The following TUFT1 variants were observed in gnomAD, a reference collection of about 807,000 sequenced individuals.
TUFT1 encodes tuftelin.
TUFT1 carries 43 observed loss-of-function variants against 57.8 expected under a neutral mutation model. The ratio of observed to expected loss-of-function variants is 0.74; its 90% CI spans 0.58 to 0.96. TUFT1 has a LOEUF of 0.96. Among genes scored for constraint, TUFT1 ranks in the 40% least tolerant of loss-of-function variants. The pLI is 0.00. For missense variants in TUFT1, 459 were observed against 489.0 expected (o/e 0.94, Z 0.58); for synonymous variants, 166 against 176.7 (o/e 0.94, Z 0.48).
intron 7 of TUFT1, among the ~76,000 whole-genome samples, chr1:151,572,890 C>T (rs1215502793): frequency 6.6e-6 from 1 of 152,122 alleles, no homozygotes; most frequent in Non-Finnish European, 1.5e-5. Context: ...TTCTGTTTTC[C>T]CAGGGCTGGC....
rs1665918534 is a variant in TUFT1 at position 151,562,179 on chromosome 1, C to T, written c.135+14C>T. On this transcript the variant is annotated intron_variant, in intron 2 of 12. Transcript: ENST00000368849. ...ATAGCCCAGAAGGTACTGCGGAATT[C>T]TGGTGGGCAAGGCCCCCTCCCCACA... The T allele has an allele frequency of 1.9e-6, 3 of 1,612,382 alleles. No individual in the cohort carries two copies. In the African/African-American group the frequency reaches 4.0e-5, roughly 21 times the overall value.
intron 1 of TUFT1, among the ~76,000 whole-genome samples, chr1:151,541,214 G>T (rs989707408): frequency 1.3e-5 from 2 of 152,080 alleles, no homozygotes; most frequent in South Asian, 4.1e-4. Context: ...GGGGAGGGAA[G>T]TGACCCAAGC....
chr1:151,542,254 T>C (rs1394451342), intron 1 of TUFT1, among the ~76,000 whole-genome samples: 4 of 152,094 alleles, frequency 2.6e-5, no homozygotes, highest in Non-Finnish European at 4.4e-5. Context: ...AGGGCCTTGC[T>C]CTGTTGCCCA....
chr1:151,561,650 A>G, intron 1 of TUFT1: 7 of 1,198,944 alleles, frequency 5.8e-6, no homozygotes, highest in Non-Finnish European at 5.3e-6. Flanking sequence ...GTACTTTCCT[A>G]TAGTTTAGTT....
At chr1:151,563,772 C>A (rs968177630) in intron 3 of TUFT1, 132 bp from the exon 4 acceptor site, 1 of 748,162 alleles carries the variant, frequency 1.3e-6, no homozygotes, top group Non-Finnish European at 2.3e-6. Context: ...GTCTTCTGAT[C>A]CGAATCACCA....
chr1:151,562,522 C>T (rs1164420579), intron 2 of TUFT1, 63 bp from the exon 3 acceptor site: 1 of 1,432,192 alleles, frequency 7.0e-7, no homozygotes, highest in African/African-American at 1.4e-5. Context: ...GAGTTCTGGG[C>T]TTGCCATGTG....
At chr1:151,578,316 CT>C (rs71090191) in intron 9 of TUFT1, among the ~76,000 whole-genome samples, 149 of 150,966 alleles carry the variant, frequency 9.9e-4, no homozygotes, top group African/African-American at 3.5e-3. Context: ...ATGTAATATT[CT>C]TTTTTTTTGT....
At chr1:151,579,833 T>C (rs1231908397) in intron 11 of TUFT1, 101 bp downstream of exon 11, 4 of 1,205,920 alleles carry the variant, frequency 3.3e-6, no homozygotes, top group Non-Finnish European at 4.7e-6. Flanking sequence ...CATGTCTTGC[T>C]GTTGCTCTGA....
intron 1 of TUFT1, among the ~76,000 whole-genome samples, chr1:151,560,630 T>A (rs1049565272): frequency 2.6e-5 from 4 of 152,214 alleles, no homozygotes; most frequent in Non-Finnish European, 5.9e-5. Flanking sequence ...GATGACCAGA[T>A]GACCTCAAGA....
chr1:151,569,880 C>A (rs776229397), intron 7 of TUFT1, 110 bp downstream of exon 7: 16 of 886,052 alleles, frequency 1.8e-5, no homozygotes, highest in Non-Finnish European at 3.0e-5. Flanking sequence ...GTGCCACAAA[C>A]TGGAAAGGCA....
rs1347990450 is a variant in TUFT1, at chr1:151,581,960, A to G, written c.*253A>G. The stretch of plus-strand genomic sequence containing the variant: ...GCAAGCAGGAGCCAGGGCAATATCT[A>G]TATTCCTACAGTGACTATTTTTCTC... On this transcript the variant is annotated 3_prime_UTR_variant, in exon 13 of 13. Transcript: ENST00000368849. 9 of 606,926 alleles carry G rather than the reference A, an allele frequency of 1.5e-5. No homozygotes were observed. The highest frequency in any genetic ancestry group is 1.2e-4 in the East Asian group (4 of 33,554). The allele number at this position is 606,926 out of a possible 1,614,324, so 37.6% of individuals were successfully genotyped here.
At chr1:151,574,031 C>CA (rs1435980648) in intron 7 of TUFT1, among the ~76,000 whole-genome samples, 1 of 152,088 alleles carries the variant, frequency 6.6e-6, no homozygotes. Context: ...TTCCAGGTGT[C>CA]ACTTTAAAGT....
At chr1:151,569,550 G>A (rs1666183141) in intron 6 of TUFT1, 107 bp from the exon 7 acceptor site, 3 of 803,346 alleles carry the variant, frequency 3.7e-6, no homozygotes, top group Middle Eastern at 2.6e-4. Context: ...TTTTGAGGGT[G>A]GTCTGGACGA....
chr1:151,577,292 CCT>C (rs1195676892), intron 9 of TUFT1, among the ~76,000 whole-genome samples: 3 of 152,150 alleles, frequency 2.0e-5, no homozygotes, highest in African/African-American at 7.2e-5. Context: ...GCTCCTATCC[CCT>C]GTCCCTTTCC....
intron 1 of TUFT1, among the ~76,000 whole-genome samples, chr1:151,546,127 TC>T (rs1665331891): frequency 6.6e-6 from 1 of 152,090 alleles, no homozygotes; most frequent in African/African-American, 2.4e-5. Flanking sequence ...TTTTTCTTTT[TC>T]TTTTTTTGGA....
At chr1:151,548,191 C>G (rs1234699350) in intron 1 of TUFT1, among the ~76,000 whole-genome samples, 2 of 152,222 alleles carry the variant, frequency 1.3e-5, no homozygotes, top group Admixed American at 6.5e-5. Context: ...AGGTACCCAC[C>G]TATCCCATCC....
At chr1:151,557,989 T>TAAAA in intron 1 of TUFT1, 1 of 374,450 alleles carries the variant, frequency 2.7e-6, no homozygotes, top group South Asian at 2.3e-5. Context: ...CAAAAAAACT[T>TAAAA]AAAAAAAAAA....
Position 151,583,324 on chromosome 1 carries a change from C to G in TUFT1, c.*1617C>G, listed in dbSNP as rs1403964070. ...CTATAGGAATCAGAAAAATTCAAAA[C>G]AAATGTGGATTAAGTGTTTAGGCTC... On this transcript the variant is annotated 3_prime_UTR_variant, in exon 13 of 13. Coordinates refer to ENST00000368849, the MANE Select transcript of TUFT1 (RefSeq NM_020127.3). 6.6e-6 allele frequency: 1 copy of G among 152,120 alleles called. No individual in the cohort carries two copies. Among genetic ancestry groups the G allele is most frequent in the African/African-American group, 2.4e-5 (1 of 41,428 alleles). The allele number at this position is 152,120 out of a possible 1,614,324, so 9.4% of individuals were successfully genotyped here. A position where few individuals can be genotyped will look rare whatever the true frequency, so the allele number is the denominator to read the frequency against.
Position 151,564,728 on chromosome 1 carries a change from G to C in TUFT1, c.414+114G>C, listed in dbSNP as rs577387421. 4.4e-5 allele frequency: 38 copies of C among 860,512 alleles called. No individual in the cohort carries two copies. The East Asian group carries it at 9.8e-4, about 22-fold the overall frequency. The allele number at this position is 860,512 out of a possible 1,614,324, so 53.3% of individuals were successfully genotyped here. A position where few individuals can be genotyped will look rare whatever the true frequency, so the allele number is the denominator to read the frequency against. On this transcript the variant is annotated intron_variant, in intron 5 of 12. Coordinates refer to ENST00000368849, the MANE Select transcript of TUFT1 (RefSeq NM_020127.3). ...AAATCTAGCATCCCTGCCAGGAATG[G>C]AGAAAATAGAGGTGATGCTGGCTTC...
Sources: gnomAD v4.1 joint callset for allele counts (sites outside exome capture counted in the v4.1 genomes callset) on GRCh38, gnomAD v4.1.1 for gene constraint, MANE v1.5 for transcripts, NCBI Gene and HGNC (gene_info 2026-07-23, HGNC 2026-07-21) for gene names.